ANKS1B: variants seen among roughly 807,000 people sequenced by gnomAD.
The protein encoded by ANKS1B is ankyrin repeat and sterile alpha motif domain containing 1B.
ANKS1B carries 36 observed loss-of-function variants against 148.3 expected under a neutral mutation model. The observed-to-expected ratio is 0.24, with a 90% CI of 0.19 to 0.32. ANKS1B has a LOEUF of 0.32. Among genes scored for constraint, ANKS1B ranks in the 10% least tolerant of loss-of-function variants. The pLI, the probability that ANKS1B is intolerant of heterozygous loss-of-function variation, is 1.00. For missense variants in ANKS1B, 1,157 were observed against 1,542.6 expected (o/e 0.75, Z 4.19); for synonymous variants, 542 against 560.8 (o/e 0.97, Z 0.47).
intron 12 of ANKS1B, among the ~76,000 whole-genome samples, chr12:99,261,920 CA>C (rs1196039644): frequency 1.3e-5 from 2 of 152,084 alleles, no homozygotes; most frequent in Non-Finnish European, 2.9e-5. Context: ...TACTCTGCCC[CA>C]ATTCTCTTAA....
chr12:98,753,315 C>T (rs3888079), intron 25 of ANKS1B, among the ~76,000 whole-genome samples: 363 of 152,326 alleles, frequency 2.4e-3, no homozygotes, highest in Non-Finnish European at 4.1e-3. Flanking sequence ...GCAGGGTGGC[C>T]ACCACACCCT....
At chr12:99,311,566 A>G (rs925455206) in intron 12 of ANKS1B, among the ~76,000 whole-genome samples, 2 of 152,180 alleles carry the variant, frequency 1.3e-5, no homozygotes, top group Non-Finnish European at 2.9e-5. Context: ...ACAATTCTGT[A>G]TGCAAATTGA....
intron 10 of ANKS1B, among the ~76,000 whole-genome samples, chr12:99,490,744 T>A (rs2096546893): frequency 6.6e-6 from 1 of 152,160 alleles, no homozygotes; most frequent in South Asian, 2.1e-4. Flanking sequence ...TGTCAGTTAG[T>A]TGTGTTAATG....
Position 99,638,421 on chromosome 12 carries a change from T to C in ANKS1B, c.1272+16646A>G, listed in dbSNP as rs561359240. ...GTCTCAGATGGAGATGAGGAACTTG[T>C]TGGGAACTGCAATAAAGGTGATTCT... is the stretch of plus-strand genomic sequence containing the variant. On this transcript the variant is annotated intron_variant, in intron 9 of 26. Coordinates refer to ENST00000683438, the MANE Select transcript of ANKS1B (RefSeq NM_001352186.2). Among the ~76,000 whole-genome samples, 4 of 152,208 alleles carry C rather than the reference T, an allele frequency of 2.6e-5. No individual in the cohort carries two copies. The East Asian group carries it at 5.8e-4, about 22-fold the overall frequency.
At chr12:99,680,540 G>A (rs2098608340) in intron 8 of ANKS1B, among the ~76,000 whole-genome samples, 1 of 152,184 alleles carries the variant, frequency 6.6e-6, no homozygotes, top group South Asian at 2.1e-4. Context: ...GGCTGCAAGT[G>A]GAACTGGGGA....
At chr12:99,363,031 T>C (rs990377869) in intron 12 of ANKS1B, among the ~76,000 whole-genome samples, 3 of 152,062 alleles carry the variant, frequency 2.0e-5, no homozygotes, top group Admixed American at 2.0e-4. Flanking sequence ...ACATGGAGGA[T>C]GGTTATAGAT....
chr12:99,664,772 A>G (rs966407309), intron 8 of ANKS1B, among the ~76,000 whole-genome samples: 1 of 152,146 alleles, frequency 6.6e-6, no homozygotes, highest in African/African-American at 2.4e-5. Context: ...TATACACTTT[A>G]TGTTTGGCAT....
At chr12:99,598,614 G>A (rs574011342) in intron 9 of ANKS1B, among the ~76,000 whole-genome samples, 1 of 152,130 alleles carries the variant, frequency 6.6e-6, no homozygotes, top group South Asian at 2.1e-4. Context: ...AAACATAGCA[G>A]GCACAATGGG....
intron 17 of ANKS1B, among the ~76,000 whole-genome samples, chr12:98,845,979 T>C (rs11109624): frequency 0.14 from 17,392 of 120,538 alleles, 2,563 homozygotes; most frequent in African/African-American, 0.4. Flanking sequence ...TATATATATA[T>C]ACACACACAC....
chr12:98,938,518 A>G (rs1379715324), intron 17 of ANKS1B, among the ~76,000 whole-genome samples: 1 of 152,204 alleles, frequency 6.6e-6, no homozygotes, highest in Non-Finnish European at 1.5e-5. Flanking sequence ...CCATTGTTTC[A>G]AATGTCATGG....
At chr12:98,774,248 G>A (rs557443572) in intron 24 of ANKS1B, among the ~76,000 whole-genome samples, 12 of 152,316 alleles carry the variant, frequency 7.9e-5, no homozygotes, top group African/African-American at 2.9e-4. Context: ...CAGGTGCTGG[G>A]GTGGAACTGA....
chr12:98,927,547 A>G (rs1269443738), intron 17 of ANKS1B, among the ~76,000 whole-genome samples: 1 of 152,098 alleles, frequency 6.6e-6, no homozygotes, highest in Non-Finnish European at 1.5e-5. Context: ...TAATTTATAA[A>G]TATATACTTT....
intron 1 of ANKS1B, among the ~76,000 whole-genome samples, chr12:99,931,021 G>C (rs2094599529): frequency 6.6e-6 from 1 of 152,176 alleles, no homozygotes; most frequent in African/African-American, 2.4e-5. Context: ...CCATAAAAAT[G>C]ATGAGTTCAT....
chr12:99,098,619 C>CTTTTTTTTTTTTTT (rs71081896), intron 15 of ANKS1B, among the ~76,000 whole-genome samples: 3 of 32,120 alleles, frequency 9.3e-5, no homozygotes, highest in Non-Finnish European at 1.8e-4. Context: ...CTAGGAACTA[C>CTTTTTTTTTTTTTT]TTTTTTTTTT....
At chr12:99,622,821 G>A (rs2098070232) in intron 9 of ANKS1B, among the ~76,000 whole-genome samples, 1 of 151,812 alleles carries the variant, frequency 6.6e-6, no homozygotes, top group Non-Finnish European at 1.5e-5. Flanking sequence ...AGACATGCAA[G>A]GAAGAGCCAG....
intron 2 of ANKS1B, among the ~76,000 whole-genome samples, chr12:99,815,334 T>A (rs1030926196): frequency 2.0e-5 from 3 of 151,792 alleles, no homozygotes; most frequent in African/African-American, 7.2e-5. Flanking sequence ...CCATCTAATA[T>A]CTAAATCAGA....
chr12:99,721,132 A>C (rs188149319), intron 8 of ANKS1B, among the ~76,000 whole-genome samples: 1 of 152,010 alleles, frequency 6.6e-6, no homozygotes, highest in Non-Finnish European at 1.5e-5. Context: ...CAACCCCACA[A>C]TATCACCCCT....
intron 17 of ANKS1B, among the ~76,000 whole-genome samples, chr12:98,900,962 C>T (rs2099771168): frequency 6.6e-6 from 1 of 152,200 alleles, no homozygotes; most frequent in African/African-American, 2.4e-5. Context: ...CCTTGCTCTG[C>T]ACTGGCCTAG....
intron 12 of ANKS1B, among the ~76,000 whole-genome samples, chr12:99,327,088 TTATAA>T (rs966472010): frequency 9.2e-5 from 12 of 130,734 alleles, no homozygotes; most frequent in Admixed American, 1.8e-4. Flanking sequence ...TAATGTTATA[TTATAA>T]TATATCAATA....
Sources: gnomAD v4.1 joint callset for allele counts (sites outside exome capture counted in the v4.1 genomes callset) on GRCh38, gnomAD v4.1.1 for gene constraint, MANE v1.5 for transcripts, NCBI Gene and HGNC (gene_info 2026-07-23, HGNC 2026-07-21) for gene names.